Variants in EPHA6 observed in about 807,000 individuals in gnomAD.
EPHA6 encodes the protein EPH receptor A6.
In EPHA6, 50 loss-of-function variants were observed where a neutral mutation model predicts 112.0. That is an observed-to-expected ratio of 0.45 (90% CI 0.36 to 0.56). The LOEUF is 0.56. EPHA6 is among the 20% of genes least tolerant of loss of function. EPHA6 has a pLI of 0.00. For synonymous variants in EPHA6, 529 were observed against 490.7 expected (o/e 1.08, Z -1.03); for missense variants, 1,280 against 1,417.4 (o/e 0.90, Z 1.56).
intron 15 of EPHA6, among the ~76,000 whole-genome samples, chr3:97,720,698 C>A (rs1314732100): frequency 1.3e-5 from 2 of 152,150 alleles, no homozygotes; most frequent in African/African-American, 4.8e-5. Context: ...ATAGCCTTGA[C>A]CTACAAGTAA....
intron 15 of EPHA6, among the ~76,000 whole-genome samples, chr3:97,734,700 T>C (rs1263174879): frequency 6.6e-6 from 1 of 152,080 alleles, no homozygotes; most frequent in Non-Finnish European, 1.5e-5. Flanking sequence ...ATTGCATTTT[T>C]ATATTTCTGT....
intron 2 of EPHA6, among the ~76,000 whole-genome samples, chr3:96,941,304 A>T (rs1345092288): frequency 6.6e-6 from 1 of 151,948 alleles, no homozygotes; most frequent in Non-Finnish European, 1.5e-5. Flanking sequence ...GTTTCTTTTT[A>T]TTCTTTTTTC....
chr3:97,256,364 G>A (rs1576783404), intron 5 of EPHA6, among the ~76,000 whole-genome samples: 2 of 151,922 alleles, frequency 1.3e-5, no homozygotes, highest in Non-Finnish European at 2.9e-5. Flanking sequence ...GGCAGAGTAT[G>A]GGAAGAGTTT....
At chr3:97,580,784 G>A (rs892988880) in intron 11 of EPHA6, among the ~76,000 whole-genome samples, 1 of 152,138 alleles carries the variant, frequency 6.6e-6, no homozygotes, top group Non-Finnish European at 1.5e-5. Context: ...GTGAATATAC[G>A]CCTCAGTGGC....
At position 97,226,411 on chromosome 3, in the gene EPHA6, C is replaced by T; in HGVS notation, c.1262C>T (p.Ala421Val). Reference protein sequence around the residue: ...FRAEKDPPSMACTRPPSAPRN... With the variant: ...FRAEKDPPSMVCTRPPSAPRN... Reference sequence around the variant, plus strand: ...GCTGAAAAAGACCCACCTTCTATGGCATGTACCAGTAAGTCTATACATTTT... The same window carrying T: ...GCTGAAAAAGACCCACCTTCTATGGTATGTACCAGTAAGTCTATACATTTT... Residue 421 changes from alanine to valine, a missense_variant, in exon 4 of 18, where the codon GCA becomes GTA. Transcript: ENST00000389672. 1.9e-6 allele frequency: 3 copies of T among 1,612,350 alleles called. No homozygotes were observed. Among genetic ancestry groups the T allele is most frequent in the Non-Finnish European group, 2.5e-6 (3 of 1,179,258 alleles).
chr3:96,984,275 AG>A (rs1375095305), intron 2 of EPHA6, among the ~76,000 whole-genome samples: 2 of 152,124 alleles, frequency 1.3e-5, no homozygotes, highest in African/African-American at 4.8e-5. Flanking sequence ...TCTAACAGTC[AG>A]GACCCTCAGC....
chr3:97,729,638 A>G (rs1267831335), intron 15 of EPHA6, among the ~76,000 whole-genome samples: 4 of 152,078 alleles, frequency 2.6e-5, no homozygotes, highest in Non-Finnish European at 4.4e-5. Flanking sequence ...CGGCCAAGCC[A>G]TATCAGAAAG....
chr3:97,660,616 G>A (rs528421493), intron 14 of EPHA6, among the ~76,000 whole-genome samples: 4 of 152,042 alleles, frequency 2.6e-5, no homozygotes, highest in South Asian at 2.1e-4. Context: ...CTGTGAGCTC[G>A]CTTGATTTGC....
intron 3 of EPHA6, among the ~76,000 whole-genome samples, chr3:96,989,746 C>T (rs2043149226): frequency 6.6e-6 from 1 of 151,952 alleles, no homozygotes; most frequent in Middle Eastern, 3.2e-3. Flanking sequence ...GGGGAAAGTG[C>T]CACACACTTT....
intron 5 of EPHA6, among the ~76,000 whole-genome samples, chr3:97,313,755 C>A (rs1334817832): frequency 6.6e-6 from 1 of 151,516 alleles, no homozygotes; most frequent in Non-Finnish European, 1.5e-5. Context: ...TTGATACGTT[C>A]CTTATAATAT....
chr3:97,318,927 AT>A (rs2081972788), intron 5 of EPHA6, among the ~76,000 whole-genome samples: 1 of 151,932 alleles, frequency 6.6e-6, no homozygotes, highest in Non-Finnish European at 1.5e-5. Context: ...GTAAAAAAAA[AT>A]GAACAACATT....
chr3:97,676,674 A>G (rs2031415381), intron 14 of EPHA6, among the ~76,000 whole-genome samples: 1 of 152,206 alleles, frequency 6.6e-6, no homozygotes, highest in Non-Finnish European at 1.5e-5. Context: ...ATCCTTGAGT[A>G]GAGAAGAGAG....
chr3:97,300,946 C>G (rs116555275), intron 5 of EPHA6, among the ~76,000 whole-genome samples: 2 of 152,068 alleles, frequency 1.3e-5, no homozygotes, highest in Non-Finnish European at 2.9e-5. Flanking sequence ...TGATATGCTC[C>G]CTCTCATTAA....
At chr3:97,183,137 G>C (rs1004807657) in intron 3 of EPHA6, among the ~76,000 whole-genome samples, 1 of 151,848 alleles carries the variant, frequency 6.6e-6, no homozygotes, top group African/African-American at 2.4e-5. Flanking sequence ...TAATTCATAA[G>C]GGCTTTCAAA....
At chr3:97,289,379 A>G (rs1217344329) in intron 5 of EPHA6, among the ~76,000 whole-genome samples, 1 of 152,136 alleles carries the variant, frequency 6.6e-6, no homozygotes, top group Non-Finnish European at 1.5e-5. Flanking sequence ...TCATCAAAGA[A>G]CAGATGGCTG....
At chr3:97,744,783 G>A (rs1047954309) in intron 16 of EPHA6, among the ~76,000 whole-genome samples, 7 of 151,942 alleles carry the variant, frequency 4.6e-5, no homozygotes, top group African/African-American at 1.7e-4. Flanking sequence ...TGATTCCAGT[G>A]TTATCTCAGG....
chr3:97,448,925 A>G (rs536202400), intron 7 of EPHA6, among the ~76,000 whole-genome samples, 195 bp downstream of exon 7: 1 of 152,168 alleles, frequency 6.6e-6, no homozygotes, highest in East Asian at 1.9e-4. Flanking sequence ...GCCTTACTCT[A>G]CCATAAAAGT....
At chr3:97,553,653 C>G (rs1202426197) in intron 11 of EPHA6, among the ~76,000 whole-genome samples, 1 of 152,086 alleles carries the variant, frequency 6.6e-6, no homozygotes, top group African/African-American at 2.4e-5. Context: ...CAATCACCTC[C>G]CATCAGGTTC....
chr3:97,522,079 C>A (rs1201921071), intron 10 of EPHA6, among the ~76,000 whole-genome samples: 1 of 151,800 alleles, frequency 6.6e-6, no homozygotes, highest in East Asian at 1.9e-4. Context: ...GCCACTACAC[C>A]CAGTTATTTT....
Sources: gnomAD v4.1 joint callset for allele counts (sites outside exome capture counted in the v4.1 genomes callset) on GRCh38, gnomAD v4.1.1 for gene constraint, MANE v1.5 for transcripts, NCBI Gene and HGNC (gene_info 2026-07-23, HGNC 2026-07-21) for gene names.